Variants in ADAT1 observed in about 807,000 individuals in gnomAD.
ADAT1 encodes tRNA-specific adenosine deaminase 1.
A neutral mutation model predicts 58.6 loss-of-function variants in ADAT1; 58 were observed. The observed-to-expected ratio is 0.99, with a 90% CI of 0.80 to 1.23. The LOEUF (loss-of-function observed/expected upper bound fraction) is 1.23. Ranked by LOEUF, ADAT1 falls within the 50% of genes most tolerant of loss-of-function variation. The pLI, the probability that ADAT1 is intolerant of heterozygous loss-of-function variation, is 0.00. For missense variants in ADAT1, 741 were observed against 608.6 expected (o/e 1.22, Z -2.29); for synonymous variants, 254 against 220.8 (o/e 1.15, Z -1.33).
At chr16:75,613,528 A>C (rs1159957244) in intron 5 of ADAT1, among the ~76,000 whole-genome samples, 3 of 152,034 alleles carry the variant, frequency 2.0e-5, no homozygotes, top group African/African-American at 7.2e-5. Context: ...TCTTGACCTC[A>C]AGTGACTCCT....
intron 8 of ADAT1, among the ~76,000 whole-genome samples, chr16:75,604,474 T>TATATATATACACACAC (rs1324943206): frequency 3.7e-5 from 2 of 54,014 alleles, no homozygotes; most frequent in Non-Finnish European, 5.7e-5. Flanking sequence ...TATATATATA[T>TATATATATACACACAC]ACACACACAC....
At chr16:75,619,693 C>G (rs2081867637) in intron 3 of ADAT1, 1 of 446,160 alleles carries the variant, frequency 2.2e-6, no homozygotes. Flanking sequence ...GGCAGATCAC[C>G]TGAGGTCAGG....
At chr16:75,618,979 T>C (rs537970434) in intron 3 of ADAT1, among the ~76,000 whole-genome samples, 6 of 152,294 alleles carry the variant, frequency 3.9e-5, no homozygotes, top group African/African-American at 1.4e-4. Context: ...CTCTAGACAT[T>C]GCGAAATGTC....
chr16:75,604,456 A>AATATAT (rs769971149), intron 8 of ADAT1, among the ~76,000 whole-genome samples: 1 of 48,782 alleles, frequency 2.0e-5, no homozygotes, highest in Non-Finnish European at 3.0e-5. Flanking sequence ...AAAAAAAAAA[A>AATATAT]ATATATATAT....
Position 75,617,236 on chromosome 16 carries a change from C to CA in ADAT1, c.329dup (p.Lys111GlufsTer4). The stretch of plus-strand genomic sequence containing the variant: ...CTGGGACAAAGATGCTATCCTCTTT[C>CA]AGGGTGGCTGCCAACTGGAGTTGGT... On this transcript the variant is annotated frameshift_variant, in exon 5 of 10. Coordinates refer to ENST00000564657, the MANE Select transcript of ADAT1 (RefSeq NM_001324445.2). LOFTEE classifies it high-confidence loss of function. 1.2e-6 allele frequency: 2 copies of CA among 1,613,738 alleles called. No individual in the cohort carries two copies. Among genetic ancestry groups the CA allele is most frequent in the Non-Finnish European group, 1.7e-6 (2 of 1,179,656 alleles).
intron 5 of ADAT1, among the ~76,000 whole-genome samples, chr16:75,613,972 AC>A (rs1424196647): frequency 6.6e-6 from 1 of 152,100 alleles, no homozygotes; most frequent in African/African-American, 2.4e-5. Flanking sequence ...TGGGCGGATC[AC>A]GAGGTGAGGA....
At chr16:75,607,631 C>T (rs377174205) in intron 8 of ADAT1, among the ~76,000 whole-genome samples, 94 of 151,982 alleles carry the variant, frequency 6.2e-4, no homozygotes, top group African/African-American at 1.5e-3. Flanking sequence ...GTTGGTAGAA[C>T]GTAAAATGGT....
chr16:75,606,531 G>C (rs759868634), intron 8 of ADAT1, among the ~76,000 whole-genome samples: 1 of 152,208 alleles, frequency 6.6e-6, no homozygotes, highest in Non-Finnish European at 1.5e-5. Flanking sequence ...TGGTAGCCTT[G>C]TGGAGAGGTC....
Position 75,612,271 on chromosome 16 carries a change from C to A in ADAT1, c.1015G>T (p.Glu339Ter). The A allele has an allele frequency of 6.2e-7, 1 of 1,614,146 alleles. No individual in the cohort carries two copies. Among genetic ancestry groups the A allele is most frequent in the East Asian group, 2.2e-5 (1 of 44,874 alleles). The change falls in exon 6 of 10, where the codon GAA becomes TAA. Residue 339 changes from glutamate to a stop codon, truncating the protein, a stop_gained. Transcript: ENST00000564657. LOFTEE classifies it high-confidence loss of function. ...CCAATCAGTGCTCTCTGCATGGCTTCCTGGCTGTATGGGCACTTCCCAATG... is the reference window on the plus strand; with the variant it reads ...CCAATCAGTGCTCTCTGCATGGCTTACTGGCTGTATGGGCACTTCCCAATG... ...VVIGKCPYSQ[E>*]AMQRALIGRC...
intron 5 of ADAT1, among the ~76,000 whole-genome samples, chr16:75,615,565 T>G (rs1007573110): frequency 6.7e-6 from 1 of 149,736 alleles, no homozygotes; most frequent in Non-Finnish European, 1.5e-5. Context: ...GAATTTGTCT[T>G]GGGCCACATT....
At chr16:75,607,234 T>A (rs1357388530) in intron 8 of ADAT1, among the ~76,000 whole-genome samples, 2 of 152,004 alleles carry the variant, frequency 1.3e-5, no homozygotes, top group Admixed American at 1.3e-4. Context: ...CCGGGTGAGA[T>A]GGCTCTCACC....
chr16:75,622,135 G>A (rs2081951144), intron 1 of ADAT1, among the ~76,000 whole-genome samples: 1 of 152,212 alleles, frequency 6.6e-6, no homozygotes, highest in Non-Finnish European at 1.5e-5. Context: ...GGGTGACAGA[G>A]CGAGACTCCC....
intron 5 of ADAT1, 117 bp from the exon 6 acceptor site, chr16:75,612,978 C>T: frequency 7.7e-7 from 1 of 1,290,724 alleles, no homozygotes; most frequent in African/African-American, 1.5e-5. Flanking sequence ...CACAGTAGAC[C>T]TGCTGAATCA....
chr16:75,619,888 C>T (rs111671001), intron 3 of ADAT1: 5,954 of 170,722 alleles, frequency 0.035, 181 homozygotes, highest in African/African-American at 0.094. Flanking sequence ...AGCGAGACTC[C>T]GAGTCAAAAA....
chr16:75,609,033 G>C, intron 6 of ADAT1, 45 bp from the exon 7 acceptor site: 1 of 1,607,852 alleles, frequency 6.2e-7, no homozygotes, highest in African/African-American at 1.3e-5. Context: ...CATGCCTAGA[G>C]AAAACAGTAT....
chr16:75,609,041 T>C (rs2081445212), intron 6 of ADAT1, 53 bp from the exon 7 acceptor site: 9 of 1,602,884 alleles, frequency 5.6e-6, no homozygotes, highest in South Asian at 1.1e-5. Flanking sequence ...GAGAAAACAG[T>C]ATCTAGGATT....
rs146592089 is a variant in ADAT1, at chr16:75,615,325, A to G, written c.424+1817T>C. Among the ~76,000 whole-genome samples the G allele has an allele frequency of 2.5e-3, 380 of 151,730 alleles. 3 individuals are homozygous for G. Among genetic ancestry groups the G allele is most frequent in the African/African-American group, 7.8e-3 (321 of 41,326 alleles). ...TCAGGGACTGTTCTCACAGATCAGTACCTGTTTGTTGACCACTGACTTAAG... is the reference window on the plus strand; with the variant it reads ...TCAGGGACTGTTCTCACAGATCAGTGCCTGTTTGTTGACCACTGACTTAAG... On this transcript the variant is annotated intron_variant, in intron 5 of 9. Coordinates refer to ENST00000564657, the MANE Select transcript of ADAT1 (RefSeq NM_001324445.2).
At chr16:75,607,329 C>T (rs1425936536) in intron 8 of ADAT1, among the ~76,000 whole-genome samples, 1 of 151,830 alleles carries the variant, frequency 6.6e-6, no homozygotes, top group Admixed American at 6.6e-5. Flanking sequence ...CATGGCGAAA[C>T]CCCTCTCTAC....
rs1367896766 is a variant in ADAT1 at position 75,608,320 on chromosome 16, A to G, written c.1193T>C (p.Ile398Thr). The G allele has an allele frequency of 1.9e-6, 3 of 1,613,084 alleles. No homozygotes were observed. The highest frequency in any genetic ancestry group is 2.7e-5 in the African/African-American group (2 of 74,868). The change falls in exon 8 of 10, where the codon ATC (isoleucine) becomes ACC (threonine). Residue 398 changes from isoleucine to threonine, a missense_variant. Ile to Thr is a moderately conservative substitution (Grantham distance 89, BLOSUM62 -1). Coordinates refer to ENST00000564657, the MANE Select transcript of ADAT1 (RefSeq NM_001324445.2). ...CTGCTCAGGAACTGCACTCCAGCTGATGGCTATGAAAAGATAAGATTCTAG... is the reference window on the plus strand; with the variant it reads ...CTGCTCAGGAACTGCACTCCAGCTGGTGGCTATGAAAAGATAAGATTCTAG... ...PGRLVPCGAA[I>T]SWSAVPEQPL... is the part of the protein sequence containing the mutation.
Sources: gnomAD v4.1 joint callset for allele counts (sites outside exome capture counted in the v4.1 genomes callset) on GRCh38, gnomAD v4.1.1 for gene constraint, MANE v1.5 for transcripts, NCBI Gene and HGNC (gene_info 2026-07-23, HGNC 2026-07-21) for gene names.